MAGI1: variants seen among roughly 807,000 people sequenced by gnomAD.
MAGI1 encodes membrane associated guanylate kinase, WW and PDZ domain containing 1, also known as membrane-associated guanylate kinase, WW and PDZ domain-containing protein 1.
Under a neutral mutation model 139.9 loss-of-function variants are expected in MAGI1, and 58 were observed. That is an observed-to-expected ratio of 0.41 (90% CI 0.34 to 0.52). MAGI1 has a LOEUF of 0.52. MAGI1 is among the 20% of genes least tolerant of loss of function. The pLI is 0.12. For synonymous variants in MAGI1, 812 were observed against 737.9 expected, an observed-to-expected ratio of 1.10 and a Z score of -1.63; for missense variants, 1,874 against 1,901.6, an observed-to-expected ratio of 0.99 and a Z score of 0.27.
chr3:65,405,193 T>A (rs1293985115), intron 12 of MAGI1, among the ~76,000 whole-genome samples: 3 of 152,160 alleles, frequency 2.0e-5, no homozygotes, highest in East Asian at 1.9e-4. Context: ...GACTTGAGTA[T>A]CTAAAGTTCT....
intron 3 of MAGI1, among the ~76,000 whole-genome samples, chr3:65,492,119 G>T (rs376634447): frequency 2.6e-5 from 4 of 152,232 alleles, no homozygotes; most frequent in East Asian, 3.9e-4. Flanking sequence ...AAAATGCCCC[G>T]TGAATGCCTA....
chr3:65,871,394 G>C (rs1464110766), intron 1 of MAGI1, among the ~76,000 whole-genome samples: 1 of 152,222 alleles, frequency 6.6e-6, no homozygotes, highest in Non-Finnish European at 1.5e-5. Flanking sequence ...ATTAATGTTT[G>C]ACTTGCTCCA....
At chr3:66,005,429 T>C (rs1560102989) in intron 1 of MAGI1, among the ~76,000 whole-genome samples, 1 of 152,206 alleles carries the variant, frequency 6.6e-6, no homozygotes, top group Non-Finnish European at 1.5e-5. Context: ...TCTGGTTACA[T>C]CACTAAGCAG....
chr3:65,948,170 C>A (rs1475124168), intron 1 of MAGI1, among the ~76,000 whole-genome samples: 1 of 151,914 alleles, frequency 6.6e-6, no homozygotes, highest in Non-Finnish European at 1.5e-5. Context: ...TCTCAAACTC[C>A]TAACCTTAAG....
intron 1 of MAGI1, chr3:65,718,730 C>T (rs977651332): frequency 7.2e-5 from 11 of 151,854 alleles, no homozygotes; most frequent in Non-Finnish European, 1.2e-4. Flanking sequence ...AACATAAAAA[C>T]GGAGATGAAA....
intron 4 of MAGI1, among the ~76,000 whole-genome samples, chr3:65,471,564 G>A (rs1415877532): frequency 6.6e-6 from 1 of 152,068 alleles, no homozygotes; most frequent in Non-Finnish European, 1.5e-5. Context: ...CACCCTTGAG[G>A]AGGCTGCCTG....
chr3:65,406,322 A>ACC (rs1945335403), intron 12 of MAGI1, among the ~76,000 whole-genome samples: 2 of 151,826 alleles, frequency 1.3e-5, no homozygotes, highest in African/African-American at 2.4e-5. Context: ...GTTGCTGGGA[A>ACC]AGAGAGTGGA....
At chr3:65,849,650 T>C (rs2059139696) in intron 1 of MAGI1, among the ~76,000 whole-genome samples, 1 of 152,038 alleles carries the variant, frequency 6.6e-6, no homozygotes, top group Admixed American at 6.6e-5. Flanking sequence ...TTGTAACAAC[T>C]AAATGAAATA....
At chr3:65,749,577 C>T (rs188728421) in intron 1 of MAGI1, among the ~76,000 whole-genome samples, 166 of 152,110 alleles carry the variant, frequency 1.1e-3, no homozygotes, top group Non-Finnish European at 2.0e-3. Flanking sequence ...CCAGTGTATA[C>T]TGCTTGCATG....
intron 1 of MAGI1, among the ~76,000 whole-genome samples, chr3:65,898,246 G>T (rs1189844156): frequency 6.6e-6 from 1 of 152,062 alleles, no homozygotes; most frequent in Non-Finnish European, 1.5e-5. Context: ...CCTTTCTGTG[G>T]CATAACATCG....
intron 3 of MAGI1, among the ~76,000 whole-genome samples, chr3:65,487,225 T>C (rs1345347842): frequency 1.3e-5 from 2 of 152,216 alleles, no homozygotes; most frequent in African/African-American, 4.8e-5. Context: ...ACATCCACTC[T>C]CCCTGTCTTA....
intron 4 of MAGI1, among the ~76,000 whole-genome samples, chr3:65,471,190 T>C (rs1259416254): frequency 6.6e-6 from 1 of 152,138 alleles, no homozygotes; most frequent in Non-Finnish European, 1.5e-5. Flanking sequence ...AGGCTCGAAA[T>C]ACTTGAGTCT....
intron 2 of MAGI1, among the ~76,000 whole-genome samples, chr3:65,538,793 T>C (rs1256319190): frequency 6.6e-6 from 1 of 152,162 alleles, no homozygotes; most frequent in Non-Finnish European, 1.5e-5. Flanking sequence ...CATTTTTCTT[T>C]TATTAACTAA....
In MAGI1 at chr3:65,858,661, T is replaced by C. The variant is rs1038033549; in HGVS notation, c.313+179335A>G. Among the ~76,000 whole-genome samples, 5 of 152,232 alleles carry C rather than the reference T, an allele frequency of 3.3e-5. No individual in the cohort carries two copies. The South Asian group carries it at 8.3e-4, about 25-fold the overall frequency. Reference sequence around the variant, plus strand: ...GGAGAAGAGGAAAGGAGGAGGAAGATAGCCTTGTGACCAGAAATCTTTGCT... The same window carrying C: ...GGAGAAGAGGAAAGGAGGAGGAAGACAGCCTTGTGACCAGAAATCTTTGCT... On this transcript the variant is annotated intron_variant, in intron 1 of 22. Transcript: ENST00000402939.
chr3:65,601,114 C>T (rs887410730), intron 2 of MAGI1, among the ~76,000 whole-genome samples: 3 of 152,186 alleles, frequency 2.0e-5, no homozygotes, highest in Admixed American at 6.5e-5. Flanking sequence ...CACATCAACA[C>T]GCTAACTCTT....
intron 1 of MAGI1, among the ~76,000 whole-genome samples, chr3:65,752,372 C>A (rs2036224108): frequency 6.6e-6 from 1 of 152,144 alleles, no homozygotes; most frequent in Non-Finnish European, 1.5e-5. Context: ...GAAATGCCTA[C>A]TTAGGTTTGG....
At chr3:65,423,821 A>G (rs1354470333) in intron 12 of MAGI1, among the ~76,000 whole-genome samples, 2 of 152,232 alleles carry the variant, frequency 1.3e-5, no homozygotes, top group Non-Finnish European at 2.9e-5. Context: ...AATGTCTAGA[A>G]GCATGCCTGG....
At chr3:65,600,027 C>T (rs189451708) in intron 2 of MAGI1, among the ~76,000 whole-genome samples, 104 of 152,338 alleles carry the variant, frequency 6.8e-4, no homozygotes, top group Middle Eastern at 6.8e-3. Context: ...CGAGCATTTA[C>T]ATCACTTTTC....
At chr3:65,669,200 T>C (rs2086706301) in intron 1 of MAGI1, among the ~76,000 whole-genome samples, 1 of 152,150 alleles carries the variant, frequency 6.6e-6, no homozygotes, top group African/African-American at 2.4e-5. Flanking sequence ...CTTTTTTACA[T>C]TTTTAACTGA....
Sources: gnomAD v4.1 joint callset for allele counts (sites outside exome capture counted in the v4.1 genomes callset) on GRCh38, gnomAD v4.1.1 for gene constraint, MANE v1.5 for transcripts, NCBI Gene and HGNC (gene_info 2026-07-23, HGNC 2026-07-21) for gene names.